Variants in UMAD1 observed in about 807,000 individuals in gnomAD.
UMAD1 encodes UBAP1-MVB12-associated (UMA) domain containing 1, also known as UBAP1-MVB12-associated (UMA)-domain containing protein 1.
A neutral mutation model predicts 6.1 loss-of-function variants in UMAD1; 8 were observed. The ratio of observed to expected loss-of-function variants is 1.30; its 90% CI spans 0.76 to 2.35. The LOEUF (loss-of-function observed/expected upper bound fraction) is 2.35. UMAD1 is among the 30% of genes most tolerant of loss of function. The pLI is 0.00. For missense variants in UMAD1, 130 were observed against 78.4 expected (o/e 1.66, Z -2.49); for synonymous variants, 56 against 31.4 (o/e 1.78, Z -2.61).
chr7:7,730,594 C>A (rs1781228273), intron 2 of UMAD1, among the ~76,000 whole-genome samples: 1 of 152,164 alleles, frequency 6.6e-6, no homozygotes, highest in Non-Finnish European at 1.5e-5. Flanking sequence ...TCAAAAGGTA[C>A]ACTAGGTGTC....
intron 1 of UMAD1, among the ~76,000 whole-genome samples, chr7:7,642,762 A>G (rs1184871562): frequency 6.6e-6 from 1 of 152,186 alleles, no homozygotes; most frequent in African/African-American, 2.4e-5. Context: ...AGTTACCAGT[A>G]AATTTTACCA....
At chr7:7,846,945 T>A (rs1031428972) in intron 3 of UMAD1, among the ~76,000 whole-genome samples, 2 of 140,136 alleles carry the variant, frequency 1.4e-5, no homozygotes, top group African/African-American at 2.7e-5. Flanking sequence ...TTGGGAGATA[T>A]ACCTAATGCT....
In UMAD1 at chr7:7,712,617, C is replaced by T. The variant is rs1780794064; in HGVS notation, c.82+39164C>T. Among the ~76,000 whole-genome samples, 6 of 152,228 alleles carry T rather than the reference C, an allele frequency of 3.9e-5. 1 individual carries two copies. In the South Asian group the frequency reaches 1.2e-3, roughly 32 times the overall value. Reference sequence around the variant, plus strand: ...GAATTTTCTAAGTACGTAATTATAACCTCTGTGAATAGTGAGTTTTGTTTC... The same window carrying T: ...GAATTTTCTAAGTACGTAATTATAATCTCTGTGAATAGTGAGTTTTGTTTC... On this transcript the variant is annotated intron_variant, in intron 2 of 3. Transcript: ENST00000682710.
chr7:7,679,785 G>A (rs758941191), intron 2 of UMAD1, among the ~76,000 whole-genome samples: 4 of 148,390 alleles, frequency 2.7e-5, no homozygotes, highest in Admixed American at 6.8e-5. Context: ...GGCCACTTTC[G>A]AACTCTTAGG....
chr7:7,767,872 C>G (rs570613894), intron 2 of UMAD1, among the ~76,000 whole-genome samples: 1 of 152,182 alleles, frequency 6.6e-6, no homozygotes, highest in South Asian at 2.1e-4. Flanking sequence ...GTTCTACTGC[C>G]TTATATCCTT....
chr7:7,860,762 G>A lies in UMAD1; in HGVS notation c.157-16519G>A, dbSNP rs183941016. ...TGCACTCCAGCCTGGGCGACAAAGCGAGACTCCATCTCAAAAAAAAAAAAA... is the reference window on the plus strand; with the variant it reads ...TGCACTCCAGCCTGGGCGACAAAGCAAGACTCCATCTCAAAAAAAAAAAAA... On this transcript the variant is annotated intron_variant, in intron 3 of 3. Coordinates refer to ENST00000682710, the MANE Select transcript of UMAD1 (RefSeq NM_001302348.2). Among the ~76,000 whole-genome samples the A allele has an allele frequency of 7.0e-3, 997 of 142,242 alleles. 7 individuals carry two copies. Among genetic ancestry groups the A allele is most frequent in the African/African-American group, 0.024 (946 of 38,800 alleles). 93.3% of individuals were successfully genotyped at this position (142,242 alleles called of 152,430 possible). A position where few individuals can be genotyped will look rare whatever the true frequency, so the allele number is the denominator to read the frequency against.
intron 2 of UMAD1, among the ~76,000 whole-genome samples, chr7:7,694,985 C>T (rs1780273691): frequency 6.6e-6 from 1 of 152,146 alleles, no homozygotes; most frequent in East Asian, 1.9e-4. Context: ...AGTGGTTGTA[C>T]TAATTTACAT....
At chr7:7,758,448 TA>T (rs1356479134) in intron 2 of UMAD1, among the ~76,000 whole-genome samples, 1 of 152,196 alleles carries the variant, frequency 6.6e-6, no homozygotes, top group African/African-American at 2.4e-5. Context: ...TTAAGCTTTA[TA>T]AAAGTTATAA....
chr7:7,685,475 AGTTTT>A (rs1356493123), intron 2 of UMAD1, among the ~76,000 whole-genome samples: 1 of 152,066 alleles, frequency 6.6e-6, no homozygotes, highest in East Asian at 1.9e-4. Flanking sequence ...ACGCCCACCA[AGTTTT>A]GTATTTTTAG....
At chr7:7,814,021 G>T (rs1285746606) in intron 3 of UMAD1, among the ~76,000 whole-genome samples, 1 of 151,126 alleles carries the variant, frequency 6.6e-6, no homozygotes, top group Admixed American at 6.6e-5. Flanking sequence ...GTCTCGCTCT[G>T]TTGCCAGGCT....
At chr7:7,716,279 A>T (rs1563149692) in intron 2 of UMAD1, among the ~76,000 whole-genome samples, 1 of 152,244 alleles carries the variant, frequency 6.6e-6, no homozygotes, top group Non-Finnish European at 1.5e-5. Context: ...GGAAGGAACA[A>T]TGCCAAGAAA....
intron 2 of UMAD1, among the ~76,000 whole-genome samples, chr7:7,797,389 A>C (rs1227551210): frequency 3.3e-5 from 5 of 152,198 alleles, no homozygotes; most frequent in African/African-American, 1.2e-4. Flanking sequence ...GTATTGACTT[A>C]CCACATGCAT....
At chr7:7,751,878 C>G (rs1781683667) in intron 2 of UMAD1, among the ~76,000 whole-genome samples, 1 of 152,188 alleles carries the variant, frequency 6.6e-6, no homozygotes, top group Admixed American at 6.5e-5. Context: ...TATCTCTTTT[C>G]TACTCTGACG....
intron 2 of UMAD1, among the ~76,000 whole-genome samples, chr7:7,762,130 C>T (rs959714402): frequency 9.2e-5 from 14 of 152,170 alleles, no homozygotes; most frequent in African/African-American, 2.9e-4. Flanking sequence ...CACAGTAGGT[C>T]ACTCTTCCTT....
chr7:7,663,455 C>G (rs1490886934), intron 1 of UMAD1, among the ~76,000 whole-genome samples: 1 of 152,310 alleles, frequency 6.6e-6, no homozygotes, highest in East Asian at 1.9e-4. Context: ...ATCTGTACCT[C>G]TTCCCCATTA....
chr7:7,866,339 T>A (rs1463734912), intron 3 of UMAD1, among the ~76,000 whole-genome samples: 6 of 152,176 alleles, frequency 3.9e-5, no homozygotes, highest in African/African-American at 1.4e-4. Context: ...TGACAGGGAA[T>A]TCTAGTCGAG....
intron 3 of UMAD1, among the ~76,000 whole-genome samples, chr7:7,859,569 C>G (rs928741979): frequency 1.3e-5 from 2 of 152,160 alleles, no homozygotes; most frequent in Admixed American, 6.5e-5. Context: ...AGAGCTGGAT[C>G]ATCTGGTTCA....
chr7:7,823,223 A>G (rs1374509441), intron 3 of UMAD1, among the ~76,000 whole-genome samples: 1 of 152,092 alleles, frequency 6.6e-6, no homozygotes, highest in East Asian at 1.9e-4. Flanking sequence ...GGAAGCCAAA[A>G]TGTCACCCCC....
chr7:7,844,963 C>A (rs73674544), intron 3 of UMAD1, among the ~76,000 whole-genome samples: 353 of 152,154 alleles, frequency 2.3e-3, no homozygotes, highest in African/African-American at 8.1e-3. Flanking sequence ...AAAAGAATCC[C>A]CACCCAAGGT....
Sources: gnomAD v4.1 joint callset for allele counts (sites outside exome capture counted in the v4.1 genomes callset) on GRCh38, gnomAD v4.1.1 for gene constraint, MANE v1.5 for transcripts, NCBI Gene and HGNC (gene_info 2026-07-23, HGNC 2026-07-21) for gene names.